The following DLGAP3 variants were observed in gnomAD, a reference collection of about 807,000 sequenced individuals.
DLGAP3 encodes disks large-associated protein 3.
DLGAP3 carries 17 observed loss-of-function variants against 81.2 expected under a neutral mutation model. The observed-to-expected ratio is 0.21, with a 90% CI of 0.14 to 0.31. The LOEUF (loss-of-function observed/expected upper bound fraction) is 0.31. DLGAP3 is among the 10% of genes least tolerant of loss of function. The pLI, the probability that DLGAP3 is intolerant of heterozygous loss-of-function variation, is 1.00. For missense variants in DLGAP3, 1,124 were observed against 1,388.0 expected (o/e 0.81, Z 3.02); for synonymous variants, 577 against 587.4 (o/e 0.98, Z 0.26).
At position 34,892,454 on chromosome 1, in the gene DLGAP3, T is replaced by C. The variant is rs1020733695; in HGVS notation, c.1387-6169A>G. Among the ~76,000 whole-genome samples the C allele has an allele frequency of 5.9e-5, 9 of 152,282 alleles. 1 individual carries two copies. The East Asian group carries it at 1.7e-3, about 29-fold the overall frequency. ...GAAGAGATAGGGCAGAAAAAAATAT[T>C]TGGAGAGACAATAGCCAAAAACTTT... On this transcript the variant is annotated intron_variant, in intron 5 of 11. Transcript: ENST00000373347.
In DLGAP3 at chr1:34,904,703, G is replaced by A. The variant is rs1639515947; in HGVS notation, c.681C>T (p.His227=). ...ACTGGTGGTGGTGGTGATGGTGGTG[G>A]TGATGGTGGTGATGGGAGGTGTGGG... ...GGPHTSHHHH[H]HHHHHHHQSR... is the part of the protein sequence containing the mutation. Residue 227 remains histidine (H), a synonymous_variant, in exon 3 of 12, where the codon CAC becomes CAT. Transcript: ENST00000373347. This position sits in a 1 kb window ranked among gnomAD's most constrained non-coding sequence, Gnocchi z 8.1. The A allele has an allele frequency of 1.9e-6, 3 of 1,613,372 alleles. No individual in the cohort carries two copies. Among genetic ancestry groups the A allele is most frequent in the Non-Finnish European group, 2.5e-6 (3 of 1,180,012 alleles).
In DLGAP3 at chr1:34,867,401, C is replaced by T; in HGVS notation, c.2577+135G>A. ...CTACCTCCAGGCACAAGACTCACAG[C>T]TACCCCAGAAGGCATGCAGGCCTGG... On this transcript the variant is annotated intron_variant, in intron 10 of 11. Transcript: ENST00000373347. This position sits in a 1 kb window ranked among gnomAD's most constrained non-coding sequence, Gnocchi z 4.3. 9.5e-7 allele frequency: 1 copy of T among 1,055,656 alleles called. No individual in the cohort carries two copies. 65.4% of individuals were successfully genotyped at this position (1,055,656 alleles called of 1,614,324 possible). A position where few individuals can be genotyped will look rare whatever the true frequency, so the allele number is the denominator to read the frequency against.
At chr1:34,890,312 C>T (rs1639292746) in intron 5 of DLGAP3, among the ~76,000 whole-genome samples, 1 of 152,190 alleles carries the variant, frequency 6.6e-6, no homozygotes, top group South Asian at 2.1e-4. Flanking sequence ...CCAAGCTGCT[C>T]ATGCTTCTCA....
rs532523721 is a variant in DLGAP3, at chr1:34,903,363, C to G, written c.1107+914G>C. Among the ~76,000 whole-genome samples, 6 of 152,238 alleles carry G rather than the reference C, an allele frequency of 3.9e-5. No homozygotes were observed. The South Asian group carries it at 1.2e-3, about 32-fold the overall frequency. On this transcript the variant is annotated intron_variant, in intron 3 of 11. Transcript: ENST00000373347. The stretch of plus-strand genomic sequence containing the variant: ...AGCTCCTCACAAGCAGCATCTGTAT[C>G]TTCATCTTTGTATCCACAGCACCCA...
intron 5 of DLGAP3, among the ~76,000 whole-genome samples, chr1:34,898,565 C>A (rs758047558): frequency 3.9e-5 from 6 of 152,212 alleles, no homozygotes; most frequent in South Asian, 4.1e-4. Flanking sequence ...TGAGAGCCAA[C>A]GTGGACAGTC....
intron 8 of DLGAP3, among the ~76,000 whole-genome samples, chr1:34,878,143 A>G (rs1205780227): frequency 6.6e-6 from 1 of 152,072 alleles, no homozygotes; most frequent in Non-Finnish European, 1.5e-5. Context: ...TGTCTCTCCT[A>G]AAAATACAAA....
chr1:34,918,558 G>C (rs1215478216), intron 1 of DLGAP3, among the ~76,000 whole-genome samples: 1 of 152,340 alleles, frequency 6.6e-6, no homozygotes, highest in South Asian at 2.1e-4. Context: ...CCGGGCAGGG[G>C]GGCTCAGGAA....
chr1:34,903,158 C>T (rs574982887), intron 3 of DLGAP3, among the ~76,000 whole-genome samples: 1 of 152,324 alleles, frequency 6.6e-6, no homozygotes, highest in African/African-American at 2.4e-5. Context: ...TCCCAATACA[C>T]GTTTAGCCAG....
intron 5 of DLGAP3, among the ~76,000 whole-genome samples, chr1:34,887,015 C>A (rs576801063): frequency 7.9e-6 from 1 of 126,102 alleles, no homozygotes; most frequent in South Asian, 2.7e-4. Flanking sequence ...AGTGCAGTGG[C>A]GCGATCTCGG....
chr1:34,912,583 C>A (rs142083588), intron 1 of DLGAP3, among the ~76,000 whole-genome samples: 1 of 152,304 alleles, frequency 6.6e-6, no homozygotes, highest in Non-Finnish European at 1.5e-5. Flanking sequence ...ATGAGATCAT[C>A]CCCACACCAG....
At chr1:34,890,764 T>C (rs1262735688) in intron 5 of DLGAP3, among the ~76,000 whole-genome samples, 1 of 152,160 alleles carries the variant, frequency 6.6e-6, no homozygotes, top group East Asian at 1.9e-4. Flanking sequence ...AACACCTTGA[T>C]TGCAACTTTG....
chr1:34,899,903 GAGA>G (rs1639429245), intron 4 of DLGAP3, among the ~76,000 whole-genome samples, 162 bp from the exon 5 acceptor site: 1 of 151,832 alleles, frequency 6.6e-6, no homozygotes, highest in African/African-American at 2.4e-5. Flanking sequence ...AGAGGCACCA[GAGA>G]AGGACTCCCA....
At position 34,900,151 on chromosome 1, in the gene DLGAP3, G is replaced by A. The variant is rs771939771; in HGVS notation, c.1230C>T (p.Asp410=). Residue 410 remains aspartate (D), a synonymous_variant, in exon 4 of 12, where the codon GAC becomes GAT. Transcript: ENST00000373347. This position sits in a 1 kb window ranked among gnomAD's most constrained non-coding sequence, Gnocchi z 5.6. ...CTTTGGGAGATGTCTTGGGGCTGCC[G>A]TCTGAGTCTCCGCTCTCCTCATCCC... The part of the protein sequence containing the change: ...AMGDEESGDS[D]GSPKTSPKAV... 94 of 1,613,940 alleles carry A rather than the reference G, an allele frequency of 5.8e-5. No homozygotes were observed. The highest frequency in any genetic ancestry group is 7.3e-5 in the Non-Finnish European group (86 of 1,180,042).
intron 1 of DLGAP3, among the ~76,000 whole-genome samples, chr1:34,909,491 T>C (rs1639608415): frequency 6.6e-6 from 1 of 152,174 alleles, no homozygotes; most frequent in Non-Finnish European, 1.5e-5. Context: ...AGGTATCAAA[T>C]AATAAAATCA....
In DLGAP3 at chr1:34,904,739, G is replaced by A. The variant is rs758736140; in HGVS notation, c.645C>T (p.Gly215=). The change falls in exon 3 of 12, where the codon GGC becomes GGT. Residue 215 remains glycine (G), a synonymous_variant. Coordinates refer to ENST00000373347, the MANE Select transcript of DLGAP3 (RefSeq NM_001080418.3). The surrounding 1 kb of genome is among the most constrained non-coding windows in gnomAD (Gnocchi z 8.1). The stretch of plus-strand genomic sequence containing the variant: ...GATGGGAGGTGTGGGGGCCTCCAGA[G>A]CCCGGGCCGGGGTAGCTGTCTCCTC... ...GSGGDSYPGP[G]SGGPHTSHHH... is the part of the protein sequence containing the mutation. 2 of 1,612,140 alleles carry A rather than the reference G, an allele frequency of 1.2e-6. No individual in the cohort carries two copies. Among genetic ancestry groups the A allele is most frequent in the Non-Finnish European group, 1.7e-6 (2 of 1,180,004 alleles).
At chr1:34,866,396 C>A in intron 11 of DLGAP3, 95 bp from the exon 12 acceptor site, 2 of 1,038,086 alleles carry the variant, frequency 1.9e-6, no homozygotes, top group Non-Finnish European at 2.7e-6. Flanking sequence ...TGCTGACGAC[C>A]GCGTGGCTCC....
chr1:34,883,721 A>G (rs1639179409), intron 8 of DLGAP3, among the ~76,000 whole-genome samples: 1 of 150,696 alleles, frequency 6.6e-6, no homozygotes, highest in Non-Finnish European at 1.5e-5. Flanking sequence ...TTACAGCCCC[A>G]GGAGCACACA....
intron 11 of DLGAP3, among the ~76,000 whole-genome samples, chr1:34,866,561 C>G (rs1459125017): frequency 2.0e-5 from 3 of 152,178 alleles, no homozygotes; most frequent in Non-Finnish European, 2.9e-5. Flanking sequence ...GCAGCAGAGC[C>G]GGTTTTTCAC....
intron 1 of DLGAP3, among the ~76,000 whole-genome samples, chr1:34,922,473 A>G (rs1639810580): frequency 6.6e-6 from 1 of 152,172 alleles, no homozygotes; most frequent in Admixed American, 6.6e-5. Flanking sequence ...CCCCACATAC[A>G]TGCTCACATG....
Sources: gnomAD v4.1 joint callset for allele counts (sites outside exome capture counted in the v4.1 genomes callset) on GRCh38, gnomAD v4.1.1 for gene constraint, Gnocchi (gnomAD v3.1) non-coding constraint, MANE v1.5 for transcripts, NCBI Gene and HGNC (gene_info 2026-07-23, HGNC 2026-07-21) for gene names.